Variants in WNT7B observed in about 807,000 individuals in gnomAD.
WNT7B encodes the protein protein Wnt-7b.
WNT7B carries 19 observed loss-of-function variants against 38.2 expected under a neutral mutation model. The ratio of observed to expected loss-of-function variants is 0.50; its 90% CI spans 0.35 to 0.73. The LOEUF is 0.73. Among genes scored for constraint, WNT7B ranks in the 30% least tolerant of loss-of-function variants. The probability of loss-of-function intolerance (pLI) is 0.01; values close to 1 mark genes in which losing one functional copy is unlikely to be tolerated. For missense variants in WNT7B, 423 were observed against 507.9 expected (o/e 0.83, Z 1.61); for synonymous variants, 243 against 209.3 (o/e 1.16, Z -1.39).
chr22:45,922,020 C>G lies in WNT7B; in HGVS notation c.*836G>C, dbSNP rs942279171. ...AGGTGATCCACCTGCCTCGGTCTCC[C>G]AAAGTGCTGGGATTACAGGTGTGAG... On this transcript the variant is annotated 3_prime_UTR_variant, in exon 4 of 4. Transcript: ENST00000339464. The G allele has an allele frequency of 2.0e-5, 3 of 152,182 alleles. No homozygotes were observed. Among genetic ancestry groups the G allele is most frequent in the South Asian group, 2.1e-4 (1 of 4,830 alleles). 9.4% of individuals were successfully genotyped at this position (152,182 alleles called of 1,614,324 possible).
intron 1 of WNT7B, among the ~76,000 whole-genome samples, chr22:45,957,712 A>C (rs13303165): frequency 2.8e-5 from 4 of 145,438 alleles, no homozygotes; most frequent in Non-Finnish European, 4.5e-5. Context: ...AAAAAAAAAA[A>C]CAGAAAACAC....
chr22:45,967,306 G>A (rs908343206), intron 1 of WNT7B, among the ~76,000 whole-genome samples: 27 of 152,256 alleles, frequency 1.8e-4, no homozygotes, highest in African/African-American at 6.3e-4. Context: ...TTTGGGAGGG[G>A]AGCTGAGCCC....
chr22:45,969,323 C>G (rs530303914), intron 1 of WNT7B, among the ~76,000 whole-genome samples: 40 of 152,336 alleles, frequency 2.6e-4, no homozygotes, highest in Non-Finnish European at 5.0e-4. Flanking sequence ...CTGGGGGGGT[C>G]GTCAGAGCCA....
intron 1 of WNT7B, among the ~76,000 whole-genome samples, chr22:45,961,338 C>G (rs1468415478): frequency 6.6e-6 from 1 of 152,200 alleles, no homozygotes; most frequent in Non-Finnish European, 1.5e-5. Context: ...ACAATCACCT[C>G]TCCTTTGGCA....
At chr22:45,973,401 C>T (rs1932493267) in intron 1 of WNT7B, among the ~76,000 whole-genome samples, 1 of 152,204 alleles carries the variant, frequency 6.6e-6, no homozygotes, top group African/African-American at 2.4e-5. Flanking sequence ...GGCCCGTCGT[C>T]CTGAGGAAGA....
At chr22:45,936,158 A>G in intron 2 of WNT7B, 1 of 985,424 alleles carries the variant, frequency 1.0e-6, no homozygotes, top group Non-Finnish European at 1.2e-6. Context: ...GGCAGGATTC[A>G]CTGTTTCCAG....
At position 45,976,854 on chromosome 22, in the gene WNT7B, G is replaced by T. The variant is rs1222228148; in HGVS notation, c.-100C>A. The T allele has an allele frequency of 2.8e-6, 3 of 1,085,846 alleles. No homozygotes were observed. Among genetic ancestry groups the T allele is most frequent in the East Asian group, 6.2e-5 (1 of 16,148 alleles). The allele number at this position is 1,085,846 out of a possible 1,614,324, so 67.3% of individuals were successfully genotyped here. A position where few individuals can be genotyped will look rare whatever the true frequency, so the allele number is the denominator to read the frequency against. ...GGCCAGGGGGCTGCGGGCAGACTGC[G>T]CTCAGCCCGCGCTGCGGCTCGGGCG... On this transcript the variant is annotated 5_prime_UTR_variant, in exon 1 of 4. Coordinates refer to ENST00000339464, the MANE Select transcript of WNT7B (RefSeq NM_058238.3). This position sits in a 1 kb window ranked among gnomAD's most constrained non-coding sequence, Gnocchi z 8.5.
At chr22:45,957,225 A>G (rs1932087222) in intron 1 of WNT7B, among the ~76,000 whole-genome samples, 1 of 151,878 alleles carries the variant, frequency 6.6e-6, no homozygotes, top group African/African-American at 2.4e-5. Flanking sequence ...GCCTGCCTGT[A>G]TGCCACATGT....
intron 1 of WNT7B, among the ~76,000 whole-genome samples, chr22:45,956,851 T>C (rs1470597389): frequency 6.6e-6 from 1 of 152,164 alleles, no homozygotes; most frequent in Non-Finnish European, 1.5e-5. Flanking sequence ...CTCACGCCTG[T>C]AATCCCAGCA....
Position 45,921,752 on chromosome 22 carries a change from C to T in WNT7B, c.*1104G>A, listed in dbSNP as rs1323806134. On this transcript the variant is annotated 3_prime_UTR_variant, in exon 4 of 4. Transcript: ENST00000339464. ...CTGACGTGGGTGATATTTTGATTTG[C>T]TTGATATTATTTTCTTTTCTTTTTT... 1 of 152,080 alleles carries T rather than the reference C, an allele frequency of 6.6e-6. No homozygotes were observed. The highest frequency in any genetic ancestry group is 1.5e-5 in the Non-Finnish European group (1 of 68,020). 9.4% of individuals were successfully genotyped at this position (152,080 alleles called of 1,614,324 possible). A position where few individuals can be genotyped will look rare whatever the true frequency, so the allele number is the denominator to read the frequency against.
chr22:45,926,678 A>T, intron 3 of WNT7B: 2 of 983,020 alleles, frequency 2.0e-6, no homozygotes, highest in Non-Finnish European at 2.4e-6. Context: ...AGCACCTCCC[A>T]TGCTGGCCGG....
chr22:45,960,647 T>G (rs1335647234), intron 1 of WNT7B, among the ~76,000 whole-genome samples: 1 of 152,250 alleles, frequency 6.6e-6, no homozygotes, highest in African/African-American at 2.4e-5. Context: ...TAATTCTTCC[T>G]TCTCAGGCAT....
chr22:45,930,278 A>G (rs76452691), intron 3 of WNT7B, among the ~76,000 whole-genome samples: 10,530 of 152,318 alleles, frequency 0.069, 597 homozygotes, highest in Admixed American at 0.15. Flanking sequence ...GGCCTCAGCT[A>G]TGGTCCCTGG....
At chr22:45,971,935 CA>C (rs1309156856) in intron 1 of WNT7B, among the ~76,000 whole-genome samples, 1 of 152,216 alleles carries the variant, frequency 6.6e-6, no homozygotes, top group Non-Finnish European at 1.5e-5. Flanking sequence ...TCTTTGACCC[CA>C]GAGCCAGGAC....
chr22:45,927,685 T>C (rs1291804203), intron 3 of WNT7B: 14 of 702,572 alleles, frequency 2.0e-5, no homozygotes, highest in African/African-American at 3.5e-5. Context: ...CACCTGAGGT[T>C]AGGGGTTCAA....
chr22:45,928,340 G>A (rs1307666944), intron 3 of WNT7B, among the ~76,000 whole-genome samples: 2 of 152,180 alleles, frequency 1.3e-5, no homozygotes, highest in Non-Finnish European at 2.9e-5. Flanking sequence ...CTGCCGTGAT[G>A]CCACCACCCT....
intron 1 of WNT7B, among the ~76,000 whole-genome samples, chr22:45,967,269 A>G (rs1932332901): frequency 6.6e-6 from 1 of 151,860 alleles, no homozygotes; most frequent in Non-Finnish European, 1.5e-5. Context: ...TTCATCTGAC[A>G]AGGGAGGGCG....
At chr22:45,925,429 G>A (rs1458676522) in intron 3 of WNT7B, 25 of 985,204 alleles carry the variant, frequency 2.5e-5, no homozygotes, top group Non-Finnish European at 3.0e-5. Flanking sequence ...GAGGGTGGGA[G>A]GAGCCCGGGT....
At chr22:45,969,136 G>A (rs1191065378) in intron 1 of WNT7B, among the ~76,000 whole-genome samples, 4 of 152,222 alleles carry the variant, frequency 2.6e-5, no homozygotes, top group Non-Finnish European at 5.9e-5. Context: ...ACTGTGGCTG[G>A]CACCGCTGAC....
Sources: gnomAD v4.1 joint callset for allele counts (sites outside exome capture counted in the v4.1 genomes callset) on GRCh38, gnomAD v4.1.1 for gene constraint, Gnocchi (gnomAD v3.1) non-coding constraint, MANE v1.5 for transcripts, NCBI Gene and HGNC (gene_info 2026-07-23, HGNC 2026-07-21) for gene names.